Variants in DLGAP1 observed in about 807,000 individuals in gnomAD.
DLGAP1 encodes disks large-associated protein 1.
Under a neutral mutation model 90.8 loss-of-function variants are expected in DLGAP1, and 11 were observed. The ratio of observed to expected loss-of-function variants is 0.12; its 90% CI spans 0.08 to 0.20. The LOEUF (loss-of-function observed/expected upper bound fraction) is 0.20. Among genes scored for constraint, DLGAP1 ranks in the 10% least tolerant of loss-of-function variants. DLGAP1 has a pLI of 1.00. For missense variants in DLGAP1, 1,050 were observed against 1,333.8 expected, an observed-to-expected ratio of 0.79 and a Z score of 3.31; for synonymous variants, 558 against 540.7, an observed-to-expected ratio of 1.03 and a Z score of -0.44.
intron 3 of DLGAP1, among the ~76,000 whole-genome samples, chr18:4,002,424 A>C (rs2074211169): frequency 6.6e-6 from 1 of 152,148 alleles, no homozygotes; most frequent in South Asian, 2.1e-4. Flanking sequence ...CAGCAAGACC[A>C]GACCCATCTC....
At chr18:4,203,265 T>TA (rs61037023) in intron 1 of DLGAP1, among the ~76,000 whole-genome samples, 1,658 of 128,128 alleles carry the variant, frequency 0.013, 33 homozygotes, top group African/African-American at 0.04. Context: ...ACAGAGAGAT[T>TA]AAAAAAAAAA....
At chr18:4,118,910 C>T (rs1324711987) in intron 2 of DLGAP1, among the ~76,000 whole-genome samples, 2 of 151,882 alleles carry the variant, frequency 1.3e-5, no homozygotes, top group African/African-American at 4.8e-5. Context: ...TGGATGTTTA[C>T]TGGGGAGAGA....
intron 7 of DLGAP1, among the ~76,000 whole-genome samples, chr18:3,706,186 C>T (rs1026066323): frequency 1.4e-5 from 2 of 147,932 alleles, no homozygotes; most frequent in East Asian, 2.0e-4. Flanking sequence ...TTAGTAGAGA[C>T]AAGTTTTCAC....
chr18:3,757,568 A>G (rs926182255), intron 5 of DLGAP1, among the ~76,000 whole-genome samples: 1 of 152,232 alleles, frequency 6.6e-6, no homozygotes, highest in Non-Finnish European at 1.5e-5. Flanking sequence ...GACATACTTC[A>G]GGAATGCAAG....
chr18:4,257,780 A>G (rs1259426937), intron 1 of DLGAP1, among the ~76,000 whole-genome samples: 1 of 151,992 alleles, frequency 6.6e-6, no homozygotes, highest in African/African-American at 2.4e-5. Context: ...GCATGCCACT[A>G]TGCCTGGCTA....
intron 7 of DLGAP1, among the ~76,000 whole-genome samples, chr18:3,725,732 A>G (rs2062147602): frequency 6.6e-6 from 1 of 152,210 alleles, no homozygotes; most frequent in African/African-American, 2.4e-5. Flanking sequence ...TAGACAAGCC[A>G]AGAAGTCAAT....
intron 1 of DLGAP1, among the ~76,000 whole-genome samples, chr18:4,224,060 G>A (rs2078135259): frequency 6.6e-6 from 1 of 152,192 alleles, no homozygotes; most frequent in Non-Finnish European, 1.5e-5. Flanking sequence ...CCTAACTCCT[G>A]GTTGACATTT....
At chr18:4,173,537 A>T (rs1169934100) in intron 1 of DLGAP1, among the ~76,000 whole-genome samples, 2 of 151,878 alleles carry the variant, frequency 1.3e-5, no homozygotes, top group African/African-American at 4.8e-5. Context: ...ATTTTAATCA[A>T]CTCATTTCTC....
At chr18:4,433,958 C>A (rs964823048) in intron 1 of DLGAP1, among the ~76,000 whole-genome samples, 2 of 152,220 alleles carry the variant, frequency 1.3e-5, no homozygotes, top group Middle Eastern at 3.4e-3. Flanking sequence ...TCTGGTCACA[C>A]ACCCTACATT....
intron 2 of DLGAP1, among the ~76,000 whole-genome samples, chr18:4,118,866 CTA>C (rs1335325859): frequency 6.6e-6 from 1 of 152,106 alleles, no homozygotes; most frequent in Non-Finnish European, 1.5e-5. Flanking sequence ...CTTTAAAAAA[CTA>C]TGTTTTTAAA....
At chr18:3,959,665 AAAAAAAAGAAAG>A (rs1191223193) in intron 3 of DLGAP1, among the ~76,000 whole-genome samples, 2 of 148,006 alleles carry the variant, frequency 1.4e-5, no homozygotes, top group Non-Finnish European at 3.0e-5. Flanking sequence ...CTCTGTCTCA[AAAAAAAAGAAAG>A]AAAGAAAGAA....
At chr18:4,060,662 T>C (rs752625377) in intron 2 of DLGAP1, among the ~76,000 whole-genome samples, 1 of 152,118 alleles carries the variant, frequency 6.6e-6, no homozygotes, top group Admixed American at 6.6e-5. Context: ...TACAAACAAC[T>C]TCCTCACAGA....
intron 2 of DLGAP1, among the ~76,000 whole-genome samples, chr18:4,011,681 G>A (rs1262941391): frequency 6.6e-6 from 1 of 151,990 alleles, no homozygotes; most frequent in Non-Finnish European, 1.5e-5. Flanking sequence ...AAAATTAGCT[G>A]GATGTGGTGG....
intron 1 of DLGAP1, among the ~76,000 whole-genome samples, chr18:4,339,061 G>T (rs1320366052): frequency 6.6e-6 from 1 of 152,126 alleles, no homozygotes; most frequent in Non-Finnish European, 1.5e-5. Context: ...TACGCGGAAG[G>T]TTAGTTAAGA....
At chr18:3,861,392 A>T (rs2070046445) in intron 4 of DLGAP1, among the ~76,000 whole-genome samples, 1 of 152,224 alleles carries the variant, frequency 6.6e-6, no homozygotes, top group Admixed American at 6.5e-5. Flanking sequence ...ATAATTTTTT[A>T]AATGTCATAA....
At chr18:3,500,585 G>A (rs2049879129) in intron 12 of DLGAP1, among the ~76,000 whole-genome samples, 2 of 151,906 alleles carry the variant, frequency 1.3e-5, no homozygotes, top group African/African-American at 4.8e-5. Flanking sequence ...AGTCTGTGTG[G>A]CTTAAAAGAG....
At chr18:4,195,828 C>T (rs760725816) in intron 1 of DLGAP1, among the ~76,000 whole-genome samples, 13 of 152,224 alleles carry the variant, frequency 8.5e-5, no homozygotes, top group South Asian at 2.1e-4. Flanking sequence ...GCTGGGATTA[C>T]AGGCATGAGC....
intron 3 of DLGAP1, among the ~76,000 whole-genome samples, chr18:3,929,646 G>C (rs372705603): frequency 1.9e-3 from 296 of 152,248 alleles, no homozygotes; most frequent in African/African-American, 6.2e-3. Context: ...TTCTCTCTGG[G>C]GGCAGATGAA....
chr18:4,357,157 CTTTTTTTTTTT>C (rs554248097), intron 1 of DLGAP1, among the ~76,000 whole-genome samples: 5 of 108,744 alleles, frequency 4.6e-5, no homozygotes, highest in African/African-American at 1.8e-4. Flanking sequence ...TGTTTTTTTC[CTTTTTTTTTTT>C]TTTTTTTGAC....
Sources: allele counts gnomAD v4.1 joint callset (sites outside exome capture counted in the v4.1 genomes callset), GRCh38; gene constraint gnomAD v4.1.1; transcripts MANE v1.5; gene names NCBI Gene and HGNC (gene_info 2026-07-23, HGNC 2026-07-21).